Variants in STXBP5L observed in about 807,000 individuals in gnomAD.
STXBP5L encodes the protein syntaxin binding protein 5L.
In STXBP5L, 65 loss-of-function variants were observed where a neutral mutation model predicts 144.5. The ratio of observed to expected loss-of-function variants is 0.45; its 90% CI spans 0.37 to 0.55. STXBP5L has a LOEUF of 0.55. STXBP5L is among the 20% of genes least tolerant of loss of function. The pLI, the probability that STXBP5L is intolerant of heterozygous loss-of-function variation, is 0.00. For synonymous variants in STXBP5L, 505 were observed against 469.6 expected (o/e 1.08, Z -0.97); for missense variants, 1,298 against 1,405.5 (o/e 0.92, Z 1.22).
intron 3 of STXBP5L, among the ~76,000 whole-genome samples, chr3:120,976,669 C>G (rs947909661): frequency 1.3e-5 from 2 of 152,234 alleles, no homozygotes; most frequent in African/African-American, 4.8e-5. Context: ...CCTGCTTTCT[C>G]TTGTGGGCAT....
intron 9 of STXBP5L, among the ~76,000 whole-genome samples, chr3:121,173,367 G>T (rs2046807407): frequency 7.1e-6 from 1 of 140,104 alleles, no homozygotes; most frequent in East Asian, 2.1e-4. Flanking sequence ...ATAGAATAGT[G>T]CTCTCACTTC....
intron 5 of STXBP5L, among the ~76,000 whole-genome samples, chr3:121,081,595 T>A (rs1339023295): frequency 6.6e-6 from 1 of 152,210 alleles, no homozygotes; most frequent in African/African-American, 2.4e-5. Flanking sequence ...TTGAAGCTTA[T>A]CTTGTTCTCT....
At chr3:121,356,484 G>C (rs1165526510) in intron 20 of STXBP5L, among the ~76,000 whole-genome samples, 1 of 152,234 alleles carries the variant, frequency 6.6e-6, no homozygotes, top group Non-Finnish European at 1.5e-5. Flanking sequence ...TGTGGGCATG[G>C]GACCTGCTGA....
At chr3:121,142,490 A>G (rs534357726) in intron 7 of STXBP5L, among the ~76,000 whole-genome samples, 1 of 152,138 alleles carries the variant, frequency 6.6e-6, no homozygotes, top group South Asian at 2.1e-4. Context: ...TCCAAAATAG[A>G]TAACACGTTA....
At chr3:121,090,582 G>T (rs1329809130) in intron 5 of STXBP5L, among the ~76,000 whole-genome samples, 4 of 152,078 alleles carry the variant, frequency 2.6e-5, no homozygotes. Flanking sequence ...AATGAGTTTA[G>T]TTAATTATGA....
chr3:121,352,610 C>T (rs1213929869), intron 20 of STXBP5L, among the ~76,000 whole-genome samples: 1 of 152,074 alleles, frequency 6.6e-6, no homozygotes, highest in Non-Finnish European at 1.5e-5. Context: ...TCTAAATATA[C>T]AATCATGTCA....
intron 3 of STXBP5L, among the ~76,000 whole-genome samples, chr3:121,036,515 A>G (rs1946763386): frequency 6.6e-6 from 1 of 152,106 alleles, no homozygotes; most frequent in South Asian, 2.1e-4. Flanking sequence ...AGTATCTAGC[A>G]TGATAGTAAA....
At chr3:121,239,619 A>G (rs2108332095) in intron 13 of STXBP5L, among the ~76,000 whole-genome samples, 1 of 149,218 alleles carries the variant, frequency 6.7e-6, no homozygotes, top group Non-Finnish European at 1.5e-5. Context: ...CAAAAAACCA[A>G]ACACCTCATA....
chr3:121,402,255 T>C (rs1229096469), intron 22 of STXBP5L, among the ~76,000 whole-genome samples: 1 of 152,170 alleles, frequency 6.6e-6, no homozygotes, highest in Admixed American at 6.5e-5. Context: ...TCATACGAAG[T>C]TTCTGTCCTC....
chr3:121,308,871 A>G lies in STXBP5L; in HGVS notation c.2111-9604A>G, dbSNP rs559492642. Among the ~76,000 whole-genome samples, 7 of 152,274 alleles carry G rather than the reference A, an allele frequency of 4.6e-5. No individual in the cohort carries two copies. The South Asian group carries it at 1.2e-3, about 27-fold the overall frequency. ...TACCAATAACAGCACATAAGAGAGA[A>G]TACAGCTATTAAAAATTAACATTTC... On this transcript the variant is annotated intron_variant, in intron 19 of 26. Transcript: ENST00000471454.
intron 20 of STXBP5L, among the ~76,000 whole-genome samples, chr3:121,335,515 A>G (rs2044475073): frequency 6.6e-6 from 1 of 152,194 alleles, no homozygotes; most frequent in Admixed American, 6.5e-5. Context: ...AAAAAAGAAC[A>G]AAACTGGAAG....
intron 6 of STXBP5L, among the ~76,000 whole-genome samples, chr3:121,117,044 A>C (rs532117594): frequency 2.0e-5 from 3 of 152,032 alleles, no homozygotes; most frequent in African/African-American, 7.2e-5. Flanking sequence ...TCATTTATGT[A>C]ACAAATCCTT....
rs1051027628 is a variant in STXBP5L, at chr3:121,247,691, A to C, written c.1401-3032A>C. Among the ~76,000 whole-genome samples the C allele has an allele frequency of 2.0e-5, 3 of 152,162 alleles. No homozygotes were observed. In the East Asian group the frequency reaches 5.8e-4, roughly 29 times the overall value. On this transcript the variant is annotated intron_variant, in intron 14 of 26. Transcript: ENST00000471454. Reference sequence around the variant, plus strand: ...GGCTGTGTAATATTCCATGGTATATATGTACTATATTTTCTTTATCCAATC... The same window carrying C: ...GGCTGTGTAATATTCCATGGTATATCTGTACTATATTTTCTTTATCCAATC...
intron 19 of STXBP5L, among the ~76,000 whole-genome samples, chr3:121,301,109 T>C (rs2108489862): frequency 6.6e-6 from 1 of 152,314 alleles, no homozygotes; most frequent in Non-Finnish European, 1.5e-5. Flanking sequence ...CTGATGGGGA[T>C]GGCATTGAAT....
chr3:120,910,363 C>T (rs1234603403), intron 2 of STXBP5L, among the ~76,000 whole-genome samples: 1 of 152,132 alleles, frequency 6.6e-6, no homozygotes, highest in Non-Finnish European at 1.5e-5. Context: ...TGTAATTATA[C>T]TTTGATATTG....
chr3:120,977,351 G>C (rs1481841522), intron 3 of STXBP5L, among the ~76,000 whole-genome samples: 1 of 152,160 alleles, frequency 6.6e-6, no homozygotes, highest in Admixed American at 6.5e-5. Flanking sequence ...TGTTTTGTCA[G>C]AGAGTAGGAT....
intron 3 of STXBP5L, among the ~76,000 whole-genome samples, chr3:120,979,273 C>A (rs1193186955): frequency 6.6e-6 from 1 of 152,212 alleles, no homozygotes; most frequent in Non-Finnish European, 1.5e-5. Flanking sequence ...CCCCCAGCCT[C>A]ACTGCCGCCT....
chr3:121,413,351 A>G (rs757931580), intron 24 of STXBP5L, 28 bp downstream of exon 24: 2 of 1,512,368 alleles, frequency 1.3e-6, no homozygotes, highest in Admixed American at 4.5e-5. Context: ...TTTATGAAAA[A>G]GACATTGGAC....
intron 20 of STXBP5L, among the ~76,000 whole-genome samples, chr3:121,371,593 A>C (rs2046030021): frequency 6.6e-6 from 1 of 152,240 alleles, no homozygotes; most frequent in Non-Finnish European, 1.5e-5. Flanking sequence ...GCAGGCATTC[A>C]CAGCAGTAGT....
Sources: gnomAD v4.1 joint callset for allele counts (sites outside exome capture counted in the v4.1 genomes callset) on GRCh38, gnomAD v4.1.1 for gene constraint, MANE v1.5 for transcripts, NCBI Gene and HGNC (gene_info 2026-07-23, HGNC 2026-07-21) for gene names.